The following ISY1 variants were observed in gnomAD, a reference collection of about 807,000 sequenced individuals.
ISY1 encodes the protein ISY1 spliceosome associated protein, also known as pre-mRNA-splicing factor ISY1 homolog.
ISY1 carries 12 observed loss-of-function variants against 54.4 expected under a neutral mutation model. The observed-to-expected ratio is 0.22, with a 90% confidence interval of 0.14 to 0.36. The LOEUF is 0.36. Among genes scored for constraint, ISY1 ranks in the 10% least tolerant of loss-of-function variants. ISY1 has a pLI of 1.00. For missense variants in ISY1, 282 were observed against 342.2 expected, an observed-to-expected ratio of 0.82 and a Z score of 1.39; for synonymous variants, 96 against 117.9, an observed-to-expected ratio of 0.81 and a Z score of 1.20.
At chr3:129,160,320 C>T (rs1937266359) in intron 1 of ISY1, among the ~76,000 whole-genome samples, 1 of 151,960 alleles carries the variant, frequency 6.6e-6, no homozygotes, top group African/African-American at 2.4e-5. Flanking sequence ...TTACGTAGTG[C>T]CGGTACCAAT....
chr3:129,151,906 C>T (rs1026116037), intron 5 of ISY1, among the ~76,000 whole-genome samples: 2 of 151,978 alleles, frequency 1.3e-5, no homozygotes, highest in African/African-American at 4.8e-5. Context: ...TGCCTGTAAT[C>T]CCAGCTCTTA....
At chr3:129,152,736 T>G (rs1348859277) in intron 5 of ISY1, among the ~76,000 whole-genome samples, 1 of 152,178 alleles carries the variant, frequency 6.6e-6, no homozygotes, top group Admixed American at 6.6e-5. Flanking sequence ...TGCTAATGTT[T>G]CATTAAAGAT....
At chr3:129,145,138 T>C (rs193092883) in intron 6 of ISY1, among the ~76,000 whole-genome samples, 28 of 152,272 alleles carry the variant, frequency 1.8e-4, no homozygotes, top group Admixed American at 5.2e-4. Flanking sequence ...CTCAAACTTC[T>C]GTGCTCAAGG....
chr3:129,154,456 A>AC (rs1251891700), intron 5 of ISY1, among the ~76,000 whole-genome samples: 2,249 of 148,998 alleles, frequency 0.015, 38 homozygotes, highest in Non-Finnish European at 0.024. Context: ...AAAAAAAAAA[A>AC]AAAAAAAGGA....
intron 3 of ISY1, 84 bp from the exon 4 acceptor site, chr3:129,157,004 A>G: frequency 2.1e-6 from 3 of 1,455,280 alleles, no homozygotes; most frequent in Non-Finnish European, 2.9e-6. Flanking sequence ...CCTTAAGCCT[A>G]AATCATCTAA....
intron 6 of ISY1, among the ~76,000 whole-genome samples, chr3:129,141,953 C>T (rs1322268052): frequency 1.3e-5 from 2 of 151,652 alleles, no homozygotes; most frequent in Admixed American, 6.6e-5. Flanking sequence ...ATCTGTAATC[C>T]CAGCACTTTG....
chr3:129,137,394 G>A (rs1389516076), intron 7 of ISY1, among the ~76,000 whole-genome samples: 3 of 151,820 alleles, frequency 2.0e-5, no homozygotes, highest in Non-Finnish European at 1.5e-5. Flanking sequence ...TTCAATAGAT[G>A]ACAAAAAAGG....
intron 6 of ISY1, chr3:129,144,067 C>A: frequency 3.0e-6 from 1 of 334,826 alleles, no homozygotes; most frequent in Non-Finnish European, 6.1e-6. Context: ...TTTTTTCATA[C>A]CTGAGACCAC....
At chr3:129,137,804 C>T (rs1243692516) in intron 7 of ISY1, among the ~76,000 whole-genome samples, 3 of 144,904 alleles carry the variant, frequency 2.1e-5, no homozygotes, top group Admixed American at 7.1e-5. Flanking sequence ...CCCAGCTACT[C>T]GGGAGGCTGA....
chr3:129,153,871 G>A (rs1019438033), intron 5 of ISY1, among the ~76,000 whole-genome samples: 14 of 152,128 alleles, frequency 9.2e-5, no homozygotes, highest in East Asian at 1.9e-4. Context: ...TTGGAAGGCC[G>A]AGGAGGGTGG....
chr3:129,158,380 A>T, intron 3 of ISY1, 128 bp downstream of exon 3: 1 of 1,320,188 alleles, frequency 7.6e-7, no homozygotes, highest in South Asian at 1.2e-5. Context: ...ACTGGTCTCA[A>T]ACTCCTAGAC....
At chr3:129,154,719 C>T (rs1430291087) in intron 5 of ISY1, among the ~76,000 whole-genome samples, 4 of 135,064 alleles carry the variant, frequency 3.0e-5, no homozygotes, top group African/African-American at 8.0e-5. Flanking sequence ...GACAGAGTCT[C>T]GCTCTGTCTC....
At chr3:129,157,252 G>A (rs905445946) in intron 3 of ISY1, among the ~76,000 whole-genome samples, 3 of 151,996 alleles carry the variant, frequency 2.0e-5, no homozygotes, top group Non-Finnish European at 4.4e-5. Flanking sequence ...AAATATGGGT[G>A]TATTCATATA....
intron 5 of ISY1, among the ~76,000 whole-genome samples, chr3:129,150,910 A>G (rs1212472259): frequency 6.6e-6 from 1 of 151,102 alleles, no homozygotes; most frequent in Non-Finnish European, 1.5e-5. Context: ...ATATCACTTG[A>G]GCCCAGAAGT....
intron 7 of ISY1, among the ~76,000 whole-genome samples, chr3:129,138,597 T>C (rs150707521): frequency 0.026 from 3,964 of 151,648 alleles, 156 homozygotes; most frequent in African/African-American, 0.087. Flanking sequence ...TGAGCCAAGA[T>C]TGGGCCACTG....
At chr3:129,152,282 TAC>T (rs1176741281) in intron 5 of ISY1, among the ~76,000 whole-genome samples, 1 of 152,254 alleles carries the variant, frequency 6.6e-6, no homozygotes, top group Admixed American at 6.5e-5. Flanking sequence ...ACTTAGATCA[TAC>T]AGTTTTTCTT....
At chr3:129,132,820 G>A (rs1013474785) in intron 9 of ISY1, among the ~76,000 whole-genome samples, 1 of 152,240 alleles carries the variant, frequency 6.6e-6, no homozygotes, top group African/African-American at 2.4e-5. Context: ...AAGGCATGCT[G>A]CCATCCTGCT....
intron 9 of ISY1, among the ~76,000 whole-genome samples, chr3:129,133,508 A>G (rs1257220628): frequency 1.3e-5 from 2 of 152,200 alleles, no homozygotes; most frequent in South Asian, 4.1e-4. Context: ...AGCCTGGCCA[A>G]TATGGTGAAA....
intron 7 of ISY1, among the ~76,000 whole-genome samples, chr3:129,135,733 T>C (rs1010547005): frequency 4.7e-5 from 7 of 150,254 alleles, no homozygotes; most frequent in African/African-American, 1.7e-4. Flanking sequence ...ACCACTGCAC[T>C]GCAGCCTGGG....
Sources: gnomAD v4.1 joint callset for allele counts (sites outside exome capture counted in the v4.1 genomes callset) on GRCh38, gnomAD v4.1.1 for gene constraint, MANE v1.5 for transcripts, NCBI Gene and HGNC (gene_info 2026-07-23, HGNC 2026-07-21) for gene names.